DIAPH3: variants seen among roughly 807,000 people sequenced by gnomAD.
DIAPH3 encodes diaphanous related formin 3, also known as protein diaphanous homolog 3.
DIAPH3 carries 117 observed loss-of-function variants against 144.3 expected under a neutral mutation model. The observed-to-expected ratio is 0.81, with a 90% CI of 0.70 to 0.95. DIAPH3 has a LOEUF of 0.95. Among genes scored for constraint, DIAPH3 ranks in the 40% least tolerant of loss-of-function variants. The probability of loss-of-function intolerance (pLI) is 0.00; values close to 1 mark genes in which losing one functional copy is unlikely to be tolerated. For synonymous variants in DIAPH3, 519 were observed against 488.9 expected (o/e 1.06, Z -0.81); for missense variants, 1,421 against 1,412.7 (o/e 1.01, Z -0.09).
chr13:59,996,788 A>G (rs989746728), intron 9 of DIAPH3, among the ~76,000 whole-genome samples: 2 of 152,066 alleles, frequency 1.3e-5, no homozygotes, highest in African/African-American at 4.8e-5. Context: ...ATCAAAGGAA[A>G]ATCATTAGAA....
chr13:59,803,523 CA>C (rs2040045548), intron 25 of DIAPH3, among the ~76,000 whole-genome samples: 1 of 151,672 alleles, frequency 6.6e-6, no homozygotes, highest in South Asian at 2.1e-4. Flanking sequence ...GGATATGCCA[CA>C]AAAATGCTTA....
intron 16 of DIAPH3, 124 bp downstream of exon 16, chr13:59,970,728 A>G: frequency 1.1e-6 from 1 of 869,736 alleles, no homozygotes; most frequent in South Asian, 2.4e-5. Context: ...GACATTAGAA[A>G]TTATGTATAT....
chr13:59,730,202 C>A (rs540843717), intron 27 of DIAPH3, among the ~76,000 whole-genome samples: 3 of 152,170 alleles, frequency 2.0e-5, no homozygotes, highest in Admixed American at 1.3e-4. Context: ...CTGAACTAGG[C>A]AGCAACTGGC....
At chr13:59,902,437 G>A (rs1010970963) in intron 20 of DIAPH3, among the ~76,000 whole-genome samples, 13 of 152,150 alleles carry the variant, frequency 8.5e-5, no homozygotes, top group South Asian at 2.1e-4. Context: ...ATGTTGCCAT[G>A]CTTCCTGTAA....
chr13:59,674,529 G>A lies in DIAPH3; in HGVS notation c.3320-7683C>T, dbSNP rs111546290. On this transcript the variant is annotated intron_variant, in intron 27 of 27. Transcript: ENST00000400324. ...TCTACCAAACAATCATAACCTCAAC[G>A]TGGCCATTTCTCACAGTTACATCTT... 4.4e-3 allele frequency among the ~76,000 whole-genome samples: 669 copies of A among 152,116 alleles called. 9 individuals carry two copies. The highest frequency in any genetic ancestry group is 0.017 in the Middle Eastern group (5 of 292).
At chr13:60,030,048 T>C (rs924633617) in intron 5 of DIAPH3, among the ~76,000 whole-genome samples, 1 of 152,148 alleles carries the variant, frequency 6.6e-6, no homozygotes, top group Non-Finnish European at 1.5e-5. Context: ...TCTAAACTAG[T>C]TCCTTGTCCT....
Position 60,008,969 on chromosome 13 carries a change from C to A in DIAPH3, c.909-320G>T, listed in dbSNP as rs34884809. On this transcript the variant is annotated intron_variant, in intron 8 of 27. Coordinates refer to ENST00000400324, the MANE Select transcript of DIAPH3 (RefSeq NM_001042517.2). Reference sequence around the variant, plus strand: ...TGTTTGAGGTAGGTACTATAATTAACCCGTATTATAGATTAGGAGACTAAG... The same window carrying A: ...TGTTTGAGGTAGGTACTATAATTAAACCGTATTATAGATTAGGAGACTAAG... Among the ~76,000 whole-genome samples the A allele has an allele frequency of 0.014, 2,123 of 152,166 alleles. 65 individuals carry two copies. The highest frequency in any genetic ancestry group is 0.1 in the East Asian group (531 of 5,162).
chr13:59,837,259 G>A (rs751325814), intron 23 of DIAPH3, among the ~76,000 whole-genome samples: 2 of 151,992 alleles, frequency 1.3e-5, no homozygotes, highest in Non-Finnish European at 2.9e-5. Flanking sequence ...GAGTATAATT[G>A]TACTCAGAAT....
At chr13:59,827,098 T>C (rs2041478478) in intron 24 of DIAPH3, among the ~76,000 whole-genome samples, 1 of 152,050 alleles carries the variant, frequency 6.6e-6, no homozygotes, top group Non-Finnish European at 1.5e-5. Flanking sequence ...AACCTAGGCA[T>C]TACCATTCAC....
At position 59,874,003 on chromosome 13, in the gene DIAPH3, T is replaced by C. The variant is rs189361207; in HGVS notation, c.2607+5226A>G. 6.6e-5 allele frequency among the ~76,000 whole-genome samples: 10 copies of C among 152,144 alleles called. No homozygotes were observed. In the East Asian group the frequency reaches 1.9e-3, roughly 29 times the overall value. ...CTCATTCTTAAGTGAAGAAGTAAAG[T>C]TGTTTCGTTTTTGTCGTGGCTTTGG... On this transcript the variant is annotated intron_variant, in intron 21 of 27. Coordinates refer to ENST00000400324, the MANE Select transcript of DIAPH3 (RefSeq NM_001042517.2).
intron 14 of DIAPH3, among the ~76,000 whole-genome samples, chr13:59,974,695 CCTT>C (rs2050572726): frequency 6.6e-6 from 1 of 151,958 alleles, no homozygotes; most frequent in African/African-American, 2.4e-5. Context: ...AAGTCTGTGA[CCTT>C]CTCTCTGCAG....
chr13:59,918,859 T>C (rs1412707766), intron 18 of DIAPH3, among the ~76,000 whole-genome samples: 1 of 148,994 alleles, frequency 6.7e-6, no homozygotes, highest in Non-Finnish European at 1.5e-5. Flanking sequence ...GCCAGTGATG[T>C]ACACTAGAGA....
chr13:59,836,445 T>G (rs1348879976), intron 23 of DIAPH3, among the ~76,000 whole-genome samples: 1 of 151,826 alleles, frequency 6.6e-6, no homozygotes, highest in East Asian at 1.9e-4. Context: ...TGACTAGACT[T>G]AGCAAGTGGG....
intron 18 of DIAPH3, among the ~76,000 whole-genome samples, chr13:59,923,248 C>T (rs2047600649): frequency 6.6e-6 from 1 of 152,122 alleles, no homozygotes; most frequent in African/African-American, 2.4e-5. Context: ...TATTACAAGA[C>T]TATTTAGAAT....
At chr13:59,958,515 G>C (rs1041403727) in intron 17 of DIAPH3, among the ~76,000 whole-genome samples, 5 of 152,018 alleles carry the variant, frequency 3.3e-5, no homozygotes, top group African/African-American at 1.2e-4. Context: ...ATCTTAAATA[G>C]TAGTGAGAGT....
intron 27 of DIAPH3, among the ~76,000 whole-genome samples, chr13:59,676,336 C>G (rs2032643774): frequency 6.6e-6 from 1 of 152,128 alleles, no homozygotes; most frequent in Admixed American, 6.5e-5. Context: ...TAGATTTATC[C>G]AGTGTTTGTT....
At chr13:59,877,009 C>T (rs2140039022) in intron 21 of DIAPH3, among the ~76,000 whole-genome samples, 1 of 152,190 alleles carries the variant, frequency 6.6e-6, no homozygotes, top group Admixed American at 6.5e-5. Context: ...TCCCTACATC[C>T]CCACTACATT....
intron 4 of DIAPH3, among the ~76,000 whole-genome samples, chr13:60,053,126 GA>G (rs1483381889): frequency 6.6e-6 from 1 of 151,782 alleles, no homozygotes; most frequent in Non-Finnish European, 1.5e-5. Flanking sequence ...AAAGGAAATT[GA>G]GGGGGAAAAT....
chr13:59,872,545 T>C lies in DIAPH3; in HGVS notation c.2607+6684A>G, dbSNP rs552693038. Among the ~76,000 whole-genome samples, 5 of 152,298 alleles carry C rather than the reference T, an allele frequency of 3.3e-5. No individual in the cohort carries two copies. The South Asian group carries it at 1.0e-3, about 32-fold the overall frequency. The stretch of plus-strand genomic sequence containing the variant: ...AAGAACAAATGTTCATAAGTACCAA[T>C]GGCTAAGTATTACTATGTGGATAAT... On this transcript the variant is annotated intron_variant, in intron 21 of 27. Coordinates refer to ENST00000400324, the MANE Select transcript of DIAPH3 (RefSeq NM_001042517.2).
Sources: allele counts gnomAD v4.1 joint callset (sites outside exome capture counted in the v4.1 genomes callset), GRCh38; gene constraint gnomAD v4.1.1; transcripts MANE v1.5; gene names NCBI Gene and HGNC (gene_info 2026-07-23, HGNC 2026-07-21).